DMD: variants seen among roughly 807,000 people sequenced by gnomAD.
DMD encodes the protein mutant dystrophin.
In DMD, 63 loss-of-function variants were observed where a neutral mutation model predicts 330.1. The ratio of observed to expected loss-of-function variants is 0.19; its 90% CI spans 0.16 to 0.24. The LOEUF (loss-of-function observed/expected upper bound fraction) is 0.24, where lower values mean the gene tolerates loss of function less well. Among genes scored for constraint, DMD ranks in the 10% least tolerant of loss-of-function variants. The pLI is 1.00. For synonymous variants in DMD, 1,223 were observed against 959.8 expected (o/e 1.27, Z -5.07); for missense variants, 3,344 against 2,684.1 (o/e 1.25, Z -5.43).
chrX:31,527,899 A>G (rs1172331759), intron 55 of DMD, among the ~76,000 whole-genome samples: 1 of 111,689 alleles, frequency 9.0e-6, no homozygotes, highest in Non-Finnish European at 1.9e-5. Context: ...CAAAACTTTG[A>G]TATGTGTCTA....
At chrX:32,435,224 G>T (rs79627280) in intron 29 of DMD, among the ~76,000 whole-genome samples, 1 of 66,874 alleles carries the variant, frequency 1.5e-5, no homozygotes, top group South Asian at 7.6e-4. Flanking sequence ...ATATATATAT[G>T]TATATTTACA....
At chrX:31,209,839 G>C (rs2044471022) in intron 64 of DMD, 140 bp from the exon 65 acceptor site, 2 of 593,265 alleles carry the variant, frequency 3.4e-6, no homozygotes, top group Admixed American at 2.8e-5. Flanking sequence ...CTCTTTGAAA[G>C]GTGTTTTATT....
intron 2 of DMD, among the ~76,000 whole-genome samples, chrX:32,912,869 A>G (rs1355843485): frequency 3.6e-5 from 4 of 111,796 alleles, no homozygotes; most frequent in Non-Finnish European, 7.5e-5. Flanking sequence ...AGTAATAAAC[A>G]CATTTGGTTA....
intron 1 of DMD, among the ~76,000 whole-genome samples, chrX:33,263,798 A>C (rs773562058): frequency 9.0e-6 from 1 of 110,631 alleles, no homozygotes; most frequent in African/African-American, 3.3e-5. Context: ...ACCCTGAAAT[A>C]ATAAGAATTA....
intron 44 of DMD, among the ~76,000 whole-genome samples, chrX:32,167,101 G>C (rs899018815): frequency 9.0e-6 from 1 of 111,576 alleles, no homozygotes; most frequent in African/African-American, 3.3e-5. Context: ...ACCCCTACCT[G>C]TGCATTCAGT....
At chrX:31,519,215 C>G (rs2072526647) in intron 55 of DMD, among the ~76,000 whole-genome samples, 1 of 111,945 alleles carries the variant, frequency 8.9e-6, no homozygotes, top group Admixed American at 9.5e-5. Context: ...TGCAATTTGT[C>G]TATATTACAT....
At chrX:31,585,799 T>C (rs1347650899) in intron 55 of DMD, among the ~76,000 whole-genome samples, 2 of 111,897 alleles carry the variant, frequency 1.8e-5, no homozygotes, top group Non-Finnish European at 3.8e-5. Context: ...GGGAATTTGA[T>C]AGAAATGCAA....
intron 25 of DMD, among the ~76,000 whole-genome samples, chrX:32,462,991 C>G (rs754905471): frequency 4.6e-4 from 51 of 110,940 alleles, no homozygotes; most frequent in Non-Finnish European, 8.9e-4. Flanking sequence ...ATAAATGTGT[C>G]GAAGAGGCCA....
intron 37 of DMD, among the ~76,000 whole-genome samples, chrX:32,353,472 G>T (rs769257203): frequency 9.0e-6 from 1 of 111,425 alleles, no homozygotes; most frequent in Non-Finnish European, 1.9e-5. Flanking sequence ...ACAGTTGAAA[G>T]CAATGGCTGA....
chrX:32,468,899 T>G (rs1442394834), intron 22 of DMD, among the ~76,000 whole-genome samples, 189 bp from the exon 23 acceptor site: 1 of 111,087 alleles, frequency 9.0e-6, no homozygotes, highest in East Asian at 2.8e-4. Context: ...ACTTGAATAT[T>G]ATTTAGTGGT....
intron 7 of DMD, among the ~76,000 whole-genome samples, chrX:32,786,589 T>C (rs1352808845): frequency 8.9e-6 from 1 of 112,038 alleles, no homozygotes; most frequent in Admixed American, 9.5e-5. Context: ...CTCTAGTTTA[T>C]AAAACTTTTC....
chrX:32,493,743 A>G (rs774188461), intron 19 of DMD, among the ~76,000 whole-genome samples: 5 of 112,118 alleles, frequency 4.5e-5, no homozygotes, highest in African/African-American at 1.6e-4. Flanking sequence ...TAGAAAATAT[A>G]CTGGACAGAA....
intron 18 of DMD, among the ~76,000 whole-genome samples, chrX:32,508,881 G>T (rs368932853): frequency 2.0e-4 from 22 of 110,367 alleles, no homozygotes; most frequent in East Asian, 1.7e-3. Flanking sequence ...CGCAATCTTG[G>T]CTCACTGCAA....
At chrX:31,134,768 G>A (rs1027046605) in intron 76 of DMD, among the ~76,000 whole-genome samples, 3 of 112,225 alleles carry the variant, frequency 2.7e-5, no homozygotes, top group Admixed American at 9.4e-5. Context: ...AATGTGCCCC[G>A]CACATAGAAA....
intron 4 of DMD, among the ~76,000 whole-genome samples, chrX:32,832,549 C>T (rs1489555035): frequency 9.0e-6 from 1 of 110,816 alleles, no homozygotes; most frequent in East Asian, 2.8e-4. Context: ...AGATGTCTGC[C>T]ATCATGTAGC....
At chrX:32,057,714 A>AT (rs1020093434) in intron 44 of DMD, among the ~76,000 whole-genome samples, 2 of 107,600 alleles carry the variant, frequency 1.9e-5, no homozygotes, top group Admixed American at 9.9e-5. Flanking sequence ...TCCCAATCGC[A>AT]TTTTTTACAG....
chrX:32,014,913 T>TA (rs1430557197), intron 44 of DMD, among the ~76,000 whole-genome samples: 2 of 112,187 alleles, frequency 1.8e-5, no homozygotes, highest in Non-Finnish European at 3.8e-5. Flanking sequence ...CTACTGAAGG[T>TA]AAAATCAAAG....
intron 2 of DMD, among the ~76,000 whole-genome samples, chrX:32,864,472 T>C (rs2082326851): frequency 8.9e-6 from 1 of 112,506 alleles, no homozygotes; most frequent in Admixed American, 9.5e-5. Flanking sequence ...AAAGATAGTT[T>C]AATATATCTT....
chrX:31,516,247 G>T (rs1323060696), intron 55 of DMD, among the ~76,000 whole-genome samples: 1 of 97,504 alleles, frequency 1.0e-5, no homozygotes, highest in Non-Finnish European at 2.0e-5. Flanking sequence ...AAAAGTATCA[G>T]TCTATTATGG....
Sources: gnomAD v4.1 joint callset for allele counts (sites outside exome capture counted in the v4.1 genomes callset) on GRCh38, gnomAD v4.1.1 for gene constraint, MANE v1.5 for transcripts, NCBI Gene and HGNC (gene_info 2026-07-23, HGNC 2026-07-21) for gene names.